Variants in MAGI2 observed in about 807,000 individuals in gnomAD.
MAGI2 encodes the protein membrane associated guanylate kinase, WW and PDZ domain containing 2.
MAGI2 carries 35 observed loss-of-function variants against 133.3 expected under a neutral mutation model. The observed-to-expected ratio is 0.26, with a 90% confidence interval of 0.20 to 0.35. The LOEUF (loss-of-function observed/expected upper bound fraction) is 0.35, where lower values mean the gene tolerates loss of function less well. Ranked by LOEUF, MAGI2 falls within the 10% of genes least tolerant of loss-of-function variation. The pLI is 1.00. For synonymous variants in MAGI2, 729 were observed against 710.6 expected, an observed-to-expected ratio of 1.03 and a Z score of -0.41; for missense variants, 1,636 against 1,863.4, an observed-to-expected ratio of 0.88 and a Z score of 2.25.
intron 2 of MAGI2, among the ~76,000 whole-genome samples, chr7:78,871,770 G>A (rs927725130): frequency 1.3e-5 from 2 of 151,926 alleles, no homozygotes; most frequent in Non-Finnish European, 2.9e-5. Context: ...AATTTAGCAG[G>A]AAGACAATTT....
intron 2 of MAGI2, among the ~76,000 whole-genome samples, chr7:78,878,085 A>G (rs1795565285): frequency 6.6e-6 from 1 of 152,240 alleles, no homozygotes. Flanking sequence ...ACAAGCACCC[A>G]CAAAGTCATG....
intron 21 of MAGI2, among the ~76,000 whole-genome samples, chr7:78,070,457 T>C (rs1814482595): frequency 6.8e-6 from 1 of 147,498 alleles, no homozygotes; most frequent in African/African-American, 2.5e-5. Flanking sequence ...TATATATGTG[T>C]GTGTATATAT....
intron 1 of MAGI2, among the ~76,000 whole-genome samples, chr7:79,077,523 C>A (rs1228838817): frequency 7.4e-6 from 1 of 135,714 alleles, no homozygotes. Context: ...TGCAGTGAGC[C>A]GAGATTGTGC....
At chr7:79,133,904 A>G (rs962718110) in intron 1 of MAGI2, among the ~76,000 whole-genome samples, 1 of 152,166 alleles carries the variant, frequency 6.6e-6, no homozygotes, top group Non-Finnish European at 1.5e-5. Flanking sequence ...TGTAATAACT[A>G]AAGTGTCTAT....
chr7:79,023,851 G>C (rs2215550), intron 1 of MAGI2, among the ~76,000 whole-genome samples: 89,339 of 151,928 alleles, frequency 0.59, 26,580 homozygotes, highest in East Asian at 0.63. Context: ...CAAACAAATG[G>C]AAAAATATTC....
intron 2 of MAGI2, among the ~76,000 whole-genome samples, chr7:78,848,518 T>G (rs1792830264): frequency 6.6e-6 from 1 of 152,038 alleles, no homozygotes; most frequent in South Asian, 2.1e-4. Flanking sequence ...TCTGAAAACC[T>G]GAAAGGGACT....
rs375915182 is a variant in MAGI2 at position 78,865,616 on chromosome 7, T to A, written c.418+141474A>T. ...AAAGTTTCATGGAGACTTAGAGGGA[T>A]GTAATTGACTGGGATATAGCAATGG... is the stretch of plus-strand genomic sequence containing the variant. On this transcript the variant is annotated intron_variant, in intron 2 of 21. Transcript: ENST00000354212. 7.2e-5 allele frequency among the ~76,000 whole-genome samples: 11 copies of A among 152,294 alleles called. No homozygotes were observed. In the South Asian group the frequency reaches 2.1e-3, roughly 29 times the overall value.
intron 2 of MAGI2, among the ~76,000 whole-genome samples, chr7:78,955,743 TTCTTTC>T (rs1393796051): frequency 3.0e-5 from 2 of 66,202 alleles, no homozygotes; most frequent in East Asian, 8.4e-4. Flanking sequence ...CTTTCTTTCT[TTCTTTC>T]TTTCTTTCTT....
chr7:78,896,526 GAT>G (rs528215482), intron 2 of MAGI2, among the ~76,000 whole-genome samples: 6 of 147,484 alleles, frequency 4.1e-5, no homozygotes, highest in East Asian at 2.0e-4. Context: ...CTCTAAATGG[GAT>G]ATATATATAT....
intron 9 of MAGI2, among the ~76,000 whole-genome samples, chr7:78,323,971 C>G (rs932898826): frequency 3.9e-5 from 6 of 152,034 alleles, no homozygotes; most frequent in African/African-American, 1.4e-4. Context: ...TCTATACGTT[C>G]TGTGTATTGA....
chr7:79,231,864 C>G (rs1210904553), intron 1 of MAGI2, among the ~76,000 whole-genome samples: 1 of 151,934 alleles, frequency 6.6e-6, no homozygotes, highest in Non-Finnish European at 1.5e-5. Flanking sequence ...GCATCCCTGT[C>G]TTGTGCCAGT....
At chr7:78,821,053 A>G (rs889213659) in intron 2 of MAGI2, among the ~76,000 whole-genome samples, 1 of 152,070 alleles carries the variant, frequency 6.6e-6, no homozygotes, top group Non-Finnish European at 1.5e-5. Flanking sequence ...AGTAGTGCTG[A>G]ATGCTGCAAG....
intron 3 of MAGI2, 47 bp from the exon 4 acceptor site, chr7:78,521,692 C>T: frequency 6.6e-7 from 1 of 1,507,532 alleles, no homozygotes; most frequent in East Asian, 2.3e-5. Flanking sequence ...TTTCTTCTAC[C>T]ATGTACATAA....
chr7:78,163,295 G>A (rs1289411743), intron 15 of MAGI2, among the ~76,000 whole-genome samples: 5 of 152,078 alleles, frequency 3.3e-5, no homozygotes, highest in African/African-American at 9.6e-5. Flanking sequence ...CCGCCACCAC[G>A]CCCGGCTAAT....
At chr7:78,633,386 C>T (rs957798437) in intron 2 of MAGI2, among the ~76,000 whole-genome samples, 1 of 152,110 alleles carries the variant, frequency 6.6e-6, no homozygotes, top group Non-Finnish European at 1.5e-5. Context: ...TCACATGTAT[C>T]CCCAGAACCT....
At chr7:79,375,023 C>T (rs1161062105) in intron 1 of MAGI2, among the ~76,000 whole-genome samples, 1 of 151,912 alleles carries the variant, frequency 6.6e-6, no homozygotes, top group African/African-American at 2.4e-5. Flanking sequence ...TTTCTTCCTC[C>T]TTGCCCAGGG....
At chr7:78,064,285 A>T (rs1813585341) in intron 21 of MAGI2, among the ~76,000 whole-genome samples, 1 of 150,984 alleles carries the variant, frequency 6.6e-6, no homozygotes. Flanking sequence ...ATACATTTAA[A>T]ATTTGTTTTT....
At chr7:78,191,518 CT>C (rs1828210260) in intron 12 of MAGI2, among the ~76,000 whole-genome samples, 2 of 152,324 alleles carry the variant, frequency 1.3e-5, no homozygotes, top group African/African-American at 2.4e-5. Context: ...TTTTTCATAA[CT>C]TCTCTTGTGG....
At chr7:78,620,442 C>A (rs1399614535) in intron 3 of MAGI2, among the ~76,000 whole-genome samples, 1 of 151,860 alleles carries the variant, frequency 6.6e-6, no homozygotes, top group African/African-American at 2.4e-5. Flanking sequence ...AGCTTAATTG[C>A]CTAGAAAATT....
Sources: allele counts gnomAD v4.1 joint callset (sites outside exome capture counted in the v4.1 genomes callset), GRCh38; gene constraint gnomAD v4.1.1; transcripts MANE v1.5; gene names NCBI Gene and HGNC (gene_info 2026-07-23, HGNC 2026-07-21).